The following ZBBX variants were observed in gnomAD, a reference collection of about 807,000 sequenced individuals.
ZBBX encodes zinc finger B-box domain containing, also known as zinc finger B-box domain-containing protein 1.
A neutral mutation model predicts 108.5 loss-of-function variants in ZBBX; 101 were observed. The ratio of observed to expected loss-of-function variants is 0.93; its 90% CI spans 0.79 to 1.10. The LOEUF (loss-of-function observed/expected upper bound fraction) is 1.10. ZBBX is among the 50% of genes least tolerant of loss of function. The pLI, the probability that ZBBX is intolerant of heterozygous loss-of-function variation, is 0.00. For missense variants in ZBBX, 1,009 were observed against 941.4 expected (o/e 1.07, Z -0.94); for synonymous variants, 356 against 323.4 (o/e 1.10, Z -1.08).
intron 4 of ZBBX, 102 bp downstream of exon 4, chr3:167,372,732 G>A: frequency 1.7e-6 from 1 of 578,078 alleles, no homozygotes; most frequent in Non-Finnish European, 3.0e-6. Context: ...AAAAATACAG[G>A]AATGTGAAAA....
chr3:167,367,030 A>G, intron 5 of ZBBX: 1 of 382,528 alleles, frequency 2.6e-6, no homozygotes, highest in East Asian at 7.2e-5. Flanking sequence ...TCTAAAGATA[A>G]ATACTACTGA....
chr3:167,207,150 C>A, the ZBBX span, among the ~76,000 whole-genome samples: 3 of 152,136 alleles, frequency 2.0e-5, no homozygotes, highest in African/African-American at 7.2e-5. Flanking sequence ...AAAGTATCTG[C>A]ACAGCAAAGG....
At chr3:167,273,141 G>T (rs538872962) in intron 20 of ZBBX, among the ~76,000 whole-genome samples, 1 of 152,108 alleles carries the variant, frequency 6.6e-6, no homozygotes, top group Non-Finnish European at 1.5e-5. Flanking sequence ...TAATCAGACT[G>T]CCATCTCTTC....
intron 14 of ZBBX, 129 bp downstream of exon 14, chr3:167,316,876 T>A (rs1280483603): frequency 1.9e-6 from 1 of 512,836 alleles, no homozygotes; most frequent in African/African-American, 2.0e-5. Context: ...ACCCAAACAC[T>A]TGTAAATTTC....
chr3:167,317,560 T>A lies in ZBBX; in HGVS notation c.1021A>T (p.Thr341Ser). The change falls in exon 13 of 22, where the codon ACG (threonine) becomes TCG (serine). Residue 341 changes from threonine to serine, a missense_variant. By Grantham distance (58) the Thr-to-Ser change is moderately conservative. Coordinates refer to ENST00000675490, the MANE Select transcript of ZBBX (RefSeq NM_001199201.2). Reference protein sequence around the residue: ...QEQLFKMLPDTFPHPHETTGD... With the variant: ...QEQLFKMLPDSFPHPHETTGD... ...GTGGTTTCATGTGGATGTGGGAACGTATCTGGTAGCATTTTAAAAAGTTGC... is the reference window on the plus strand; with the variant it reads ...GTGGTTTCATGTGGATGTGGGAACGAATCTGGTAGCATTTTAAAAAGTTGC... 6.2e-7 allele frequency: 1 copy of A among 1,610,900 alleles called. No individual in the cohort carries two copies. The highest frequency in any genetic ancestry group is 1.3e-5 in the African/African-American group (1 of 74,826).
rs556805926 is a variant in ZBBX, at chr3:167,246,164, G to C, written c.2255-3521C>G. ...GCAATATCACATATAAAAGCAACCA[G>C]TAATTATTATTACTGATTAAATGGT... On this transcript the variant is annotated intron_variant, in intron 20 of 21. Coordinates refer to ENST00000675490, the MANE Select transcript of ZBBX (RefSeq NM_001199201.2). Among the ~76,000 whole-genome samples, 6 of 152,232 alleles carry C rather than the reference G, an allele frequency of 3.9e-5. No individual in the cohort carries two copies. In the South Asian group the frequency reaches 1.2e-3, roughly 32 times the overall value.
intron 9 of ZBBX, among the ~76,000 whole-genome samples, chr3:167,342,595 A>T (rs1320210208): frequency 1.3e-5 from 2 of 151,766 alleles, no homozygotes; most frequent in Non-Finnish European, 2.9e-5. Flanking sequence ...GAACTCATTT[A>T]TATTGCTAAC....
intron 20 of ZBBX, among the ~76,000 whole-genome samples, chr3:167,255,689 G>T (rs981356588): frequency 6.6e-6 from 1 of 151,854 alleles, no homozygotes; most frequent in Non-Finnish European, 1.5e-5. Context: ...TACAAAGTAG[G>T]TATATATATT....
intron 20 of ZBBX, among the ~76,000 whole-genome samples, chr3:167,270,283 C>T (rs555680348): frequency 2.0e-5 from 3 of 152,258 alleles, no homozygotes; most frequent in African/African-American, 7.2e-5. Flanking sequence ...TTACCCTTGC[C>T]TCAAACTAAG....
Position 167,359,975 on chromosome 3 carries a change from T to C in ZBBX, c.327A>G (p.Pro109=). The C allele has an allele frequency of 6.4e-7, 1 of 1,563,438 alleles. No homozygotes were observed. Among genetic ancestry groups the C allele is most frequent in the Non-Finnish European group, 8.7e-7 (1 of 1,147,372 alleles). ...TTTTATAATTAACTGTTGGTTTCAC[T>C]GGCTCTGCAAGATAAAAAATAATAT... The part of the protein sequence containing the change: ...LKLLKEQIQE[P]VKPTVNYKMA... Residue 109 remains proline (P), a synonymous_variant, in exon 8 of 22, where the codon CCA becomes CCG. Transcript: ENST00000675490.
chr3:167,377,997 C>G (rs1015016127), intron 2 of ZBBX, among the ~76,000 whole-genome samples: 2 of 152,084 alleles, frequency 1.3e-5, no homozygotes, highest in African/African-American at 4.8e-5. Context: ...TAAGGGCTAT[C>G]CCCTTTCACT....
intron 20 of ZBBX, among the ~76,000 whole-genome samples, chr3:167,265,108 G>A (rs1725239291): frequency 6.6e-6 from 1 of 152,212 alleles, no homozygotes. Flanking sequence ...ACAAGACAAA[G>A]TCCCCTTTAC....
At chr3:167,391,033 T>A (rs1365252181) in intron 1 of ZBBX, among the ~76,000 whole-genome samples, 1 of 152,136 alleles carries the variant, frequency 6.6e-6, no homozygotes, top group Non-Finnish European at 1.5e-5. Flanking sequence ...TGAATACTAG[T>A]GGTGAGAGAG....
intron 18 of ZBBX, among the ~76,000 whole-genome samples, chr3:167,290,887 C>A (rs564022422): frequency 5.9e-4 from 90 of 152,172 alleles, no homozygotes; most frequent in African/African-American, 2.0e-3. Flanking sequence ...CAGAAAAACA[C>A]AGCACAAGAA....
intron 1 of ZBBX, among the ~76,000 whole-genome samples, chr3:167,387,007 G>C (rs563648518): frequency 6.6e-6 from 1 of 151,822 alleles, no homozygotes; most frequent in South Asian, 2.1e-4. Flanking sequence ...CTTACCTTTG[G>C]GAAAGTTACT....
At chr3:167,327,259 TAA>T (rs11310792) in intron 11 of ZBBX, among the ~76,000 whole-genome samples, 31 of 150,634 alleles carry the variant, frequency 2.1e-4, no homozygotes, top group South Asian at 8.4e-4. Context: ...TCAAATATTC[TAA>T]AAAAAAAAAA....
intron 20 of ZBBX, among the ~76,000 whole-genome samples, chr3:167,242,921 A>AG (rs1241509234): frequency 1.4e-5 from 1 of 69,484 alleles, no homozygotes; most frequent in East Asian, 1.5e-3. Flanking sequence ...ATAAAATTTC[A>AG]AAAAAAAAAT....
At chr3:167,311,720 A>T (rs1734612869) in intron 16 of ZBBX, among the ~76,000 whole-genome samples, 1 of 152,126 alleles carries the variant, frequency 6.6e-6, no homozygotes, top group African/African-American at 2.4e-5. Flanking sequence ...TGCAAATCAA[A>T]AAAAAAATGA....
At chr3:167,247,626 T>C (rs76379815) in intron 20 of ZBBX, among the ~76,000 whole-genome samples, 7,605 of 151,198 alleles carry the variant, frequency 0.05, 527 homozygotes, top group African/African-American at 0.16. Flanking sequence ...CCCACCGGGG[T>C]TTCCAGAGCT....
Sources: allele counts gnomAD v4.1 joint callset (sites outside exome capture counted in the v4.1 genomes callset), GRCh38; gene constraint gnomAD v4.1.1; transcripts MANE v1.5; gene names NCBI Gene and HGNC (gene_info 2026-07-23, HGNC 2026-07-21).